Variants in MLPH observed in about 807,000 individuals in gnomAD.
The protein encoded by MLPH is melanophilin.
MLPH carries 51 observed loss-of-function variants against 72.1 expected under a neutral mutation model. The ratio of observed to expected loss-of-function variants is 0.71; its 90% confidence interval spans 0.56 to 0.89. MLPH has a LOEUF of 0.89. Ranked by LOEUF, MLPH falls within the 40% of genes least tolerant of loss-of-function variation. The probability of loss-of-function intolerance (pLI) is 0.00; values close to 1 mark genes in which losing one functional copy is unlikely to be tolerated. For missense variants in MLPH, 743 were observed against 759.9 expected, an observed-to-expected ratio of 0.98 and a Z score of 0.26; for synonymous variants, 301 against 310.1, an observed-to-expected ratio of 0.97 and a Z score of 0.31.
At chr2:237,518,451 T>C (rs1048597995) in intron 4 of MLPH, 88 bp from the exon 5 acceptor site, 40 of 1,044,352 alleles carry the variant, frequency 3.8e-5, no homozygotes, top group Non-Finnish European at 5.6e-5. Flanking sequence ...GATGGATAGA[T>C]TAGTGGATGG....
chr2:237,541,104 GC>G lies in MLPH; in HGVS notation c.1446+148del, dbSNP rs1212135537. ...CAGCATGCACGGCTCTGAAGGCCAGGCATGAACCTGGGGGTTTCTGGGGGAC... is the reference window on the plus strand; with the variant it reads ...CAGCATGCACGGCTCTGAAGGCCAGGATGAACCTGGGGGTTTCTGGGGGAC... On this transcript the variant is annotated intron_variant, in intron 11 of 15. Coordinates refer to ENST00000264605, the MANE Select transcript of MLPH (RefSeq NM_024101.7). The surrounding 1 kb of genome is among the most constrained non-coding windows in gnomAD (Gnocchi z 5.1). 5 of 1,133,610 alleles carry G rather than the reference GC, an allele frequency of 4.4e-6. No homozygotes were observed. Among genetic ancestry groups the G allele is most frequent in the Non-Finnish European group, 6.5e-6 (5 of 772,458 alleles). 70.2% of individuals were successfully genotyped at this position (1,133,610 alleles called of 1,614,324 possible).
At chr2:237,546,534 C>T (rs773606000) in intron 12 of MLPH, 72 bp from the exon 13 acceptor site, 11 of 1,324,296 alleles carry the variant, frequency 8.3e-6, no homozygotes, top group Non-Finnish European at 1.1e-5. Flanking sequence ...TTACATCCAG[C>T]TGACCCATGC....
chr2:237,527,576 C>T, intron 8 of MLPH, 60 bp downstream of exon 8: 1 of 1,602,458 alleles, frequency 6.2e-7, no homozygotes. Flanking sequence ...CTTTTTACCT[C>T]CACACCAAGT....
chr2:237,493,963 A>G (rs778362714), intron 2 of MLPH, among the ~76,000 whole-genome samples: 1 of 152,072 alleles, frequency 6.6e-6, no homozygotes, highest in Non-Finnish European at 1.5e-5. Context: ...CGTCCTCACC[A>G]TGGGTGACCC....
At chr2:237,540,687 G>A in intron 10 of MLPH, 115 bp from the exon 11 acceptor site, 1 of 1,529,400 alleles carries the variant, frequency 6.5e-7, no homozygotes, top group Non-Finnish European at 8.9e-7. Flanking sequence ...GCCGGCTCCT[G>A]ACCAACCAGC....
rs879908125 is a variant in MLPH, at chr2:237,505,451, G to A, written c.111-5123G>A. Reference sequence around the variant, plus strand: ...ACCCCAGCACCCAACGCAAGTGGAGGCCCACAGGACCCCTCATGCAGGCTC... The same window carrying A: ...ACCCCAGCACCCAACGCAAGTGGAGACCCACAGGACCCCTCATGCAGGCTC... On this transcript the variant is annotated intron_variant, in intron 2 of 15. Transcript: ENST00000264605. The surrounding 1 kb of genome is among the most constrained non-coding windows in gnomAD (Gnocchi z 4.5). Among the ~76,000 whole-genome samples the A allele has an allele frequency of 7.9e-5, 12 of 152,288 alleles. No homozygotes were observed. Among genetic ancestry groups the A allele is most frequent in the Admixed American group, 2.6e-4 (4 of 15,296 alleles).
rs1048966953 is a variant in MLPH at position 237,552,348 on chromosome 2, G to A, written c.1687G>A (p.Asp563Asn). 1 of 1,614,008 alleles carries A rather than the reference G, an allele frequency of 6.2e-7. No individual in the cohort carries two copies. Among genetic ancestry groups the A allele is most frequent in the Non-Finnish European group, 8.5e-7 (1 of 1,179,946 alleles). The change falls in exon 15 of 16, where the codon GAT (aspartate) becomes AAT (asparagine). Residue 563 changes from aspartate (D) to asparagine (N), a missense_variant. Physicochemically the swap from Asp to Asn is conservative, Grantham distance 23. Transcript: ENST00000264605. ...TGTTTTCCCCAAAGGTAAAGATGAT[G>A]ATTCTTTTGATCGGAAATCAGTGTA... The part of the protein sequence containing the change: ...NSLKSQGKDD[D>N]SFDRKSVYRG...
rs2080982771 is a variant in MLPH at position 237,549,208 on chromosome 2, C to G, written c.1618-13C>G. The G allele has an allele frequency of 6.2e-7, 1 of 1,612,998 alleles. No individual in the cohort carries two copies. Among genetic ancestry groups the G allele is most frequent in the Non-Finnish European group, 8.5e-7 (1 of 1,178,962 alleles). On this transcript the variant is annotated splice_polypyrimidine_tract_variant and intron_variant, in intron 13 of 15. Coordinates refer to ENST00000264605, the MANE Select transcript of MLPH (RefSeq NM_024101.7). ...CAACTTGATGAAGCCTGGAGACACT[C>G]TGTTTCTTCTAGGCAATGGCTGTGC...
chr2:237,497,520 C>T (rs2079559343), intron 2 of MLPH, among the ~76,000 whole-genome samples: 2 of 152,220 alleles, frequency 1.3e-5, no homozygotes, highest in African/African-American at 4.8e-5. Context: ...GTGACTTGAG[C>T]ACCGCAAGGT....
upstream of MLPH, among the ~76,000 whole-genome samples, chr2:237,487,002 G>T (rs1244629454): frequency 2.0e-5 from 3 of 152,166 alleles, no homozygotes; most frequent in Non-Finnish European, 4.4e-5. Flanking sequence ...CAAAGTCGCC[G>T]CAACTCACGG....
intron 6 of MLPH, among the ~76,000 whole-genome samples, chr2:237,521,142 A>T (rs1317412793): frequency 1.3e-5 from 2 of 152,172 alleles, no homozygotes; most frequent in Admixed American, 1.3e-4. Flanking sequence ...GTTAATTAGG[A>T]AGGGGTTATT....
At chr2:237,518,513 T>G in intron 4 of MLPH, 26 bp from the exon 5 acceptor site, 1 of 1,580,150 alleles carries the variant, frequency 6.3e-7, no homozygotes, top group Non-Finnish European at 8.7e-7. Flanking sequence ...TGTCCTTGGG[T>G]GGAGTCATGC....
In MLPH at chr2:237,534,774, G is replaced by A. The variant is rs74001396; in HGVS notation, c.1104+127G>A. On this transcript the variant is annotated intron_variant, in intron 9 of 15. Coordinates refer to ENST00000264605, the MANE Select transcript of MLPH (RefSeq NM_024101.7). ...TTTGCTGTTTGTAAGGTTAAGTTCT[G>A]TGTGTAGTTCTCAGAGAGCCAGGCA... 1.0e-2 allele frequency: 7,970 copies of A among 797,180 alleles called. 446 individuals carry two copies. In the African/African-American group the frequency reaches 0.12, roughly 12 times the overall value. 49.4% of individuals were successfully genotyped at this position (797,180 alleles called of 1,614,324 possible). A position where few individuals can be genotyped will look rare whatever the true frequency, so the allele number is the denominator to read the frequency against.
chr2:237,549,256 C>G lies in MLPH; in HGVS notation c.1653C>G (p.Phe551Leu), dbSNP rs1292825923. 1.2e-6 allele frequency: 2 copies of G among 1,614,004 alleles called. No individual in the cohort carries two copies. The highest frequency in any genetic ancestry group is 1.7e-5 in the Admixed American group (1 of 60,006). The change falls in exon 14 of 16, where the codon TTC becomes TTG. Residue 551 changes from phenylalanine (F) to leucine (L), a missense_variant. Coordinates refer to ENST00000264605, the MANE Select transcript of MLPH (RefSeq NM_024101.7). Reference protein sequence around the residue: ...MAVPYLLRRKFSNSLKSQGKD... With the variant: ...MAVPYLLRRKLSNSLKSQGKD... ...TGCCCTATCTTCTGAGAAGAAAGTT[C>G]AGTAATTCCCTGAAAAGTCAAGGTA...
Position 237,540,842 on chromosome 2 carries a change from G to A in MLPH, c.1331G>A (p.Ser444Asn). 3 of 1,613,294 alleles carry A rather than the reference G, an allele frequency of 1.9e-6. No individual in the cohort carries two copies. In the South Asian group the frequency reaches 3.3e-5, roughly 18 times the overall value. ...AAHQTNRQEKSPQDPGDPVQY... is the reference protein window; with the variant it reads ...AAHQTNRQEKNPQDPGDPVQY... The stretch of plus-strand genomic sequence containing the variant: ...CATCAAACCAACAGACAGGAAAAAA[G>A]CCCCCAGGACCCTGGGGACCCCGTC... The change falls in exon 11 of 16, where the codon AGC becomes AAC. Residue 444 changes from serine (S) to asparagine (N), a missense_variant. By Grantham distance (46) the Ser-to-Asn change is conservative (BLOSUM62 1). Transcript: ENST00000264605.
chr2:237,489,803 T>C (rs974754141), intron 1 of MLPH, among the ~76,000 whole-genome samples: 4 of 152,096 alleles, frequency 2.6e-5, no homozygotes, highest in African/African-American at 9.7e-5. Flanking sequence ...ACCCCCACCC[T>C]GATTTCCCTT....
intron 1 of MLPH, among the ~76,000 whole-genome samples, chr2:237,487,777 G>A (rs2079348670): frequency 6.6e-6 from 1 of 152,244 alleles, no homozygotes; most frequent in South Asian, 2.1e-4. Context: ...ACTGGGCCAA[G>A]GCTGCTGATG....
At chr2:237,521,849 T>C (rs1341337743) in intron 6 of MLPH, among the ~76,000 whole-genome samples, 1 of 143,616 alleles carries the variant, frequency 7.0e-6, no homozygotes, top group Admixed American at 6.8e-5. Flanking sequence ...AAACACCTGC[T>C]ACAACTATAG....
rs1180819742 is a variant in MLPH, at chr2:237,541,197, C to T, written c.1446+240C>T. ...TTTTCCTGTTCAACTTGGTGAGGGACAGGCAGGGTTTCCACCAAGAAAAAG... is the reference window on the plus strand; with the variant it reads ...TTTTCCTGTTCAACTTGGTGAGGGATAGGCAGGGTTTCCACCAAGAAAAAG... On this transcript the variant is annotated intron_variant, in intron 11 of 15. Transcript: ENST00000264605. The surrounding 1 kb of genome is among the most constrained non-coding windows in gnomAD (Gnocchi z 5.1). 6.6e-6 allele frequency among the ~76,000 whole-genome samples: 1 copy of T among 152,142 alleles called. No homozygotes were observed. Among genetic ancestry groups the T allele is most frequent in the Admixed American group, 6.5e-5 (1 of 15,280 alleles).
Sources: gnomAD v4.1 joint callset for allele counts (sites outside exome capture counted in the v4.1 genomes callset) on GRCh38, gnomAD v4.1.1 for gene constraint, Gnocchi (gnomAD v3.1) non-coding constraint, MANE v1.5 for transcripts, NCBI Gene and HGNC (gene_info 2026-07-23, HGNC 2026-07-21) for gene names.